NFE2L2: variants seen among roughly 807,000 people sequenced by gnomAD.
NFE2L2 encodes NFE2 like bZIP transcription factor 2, also known as nuclear factor erythroid 2-related factor 2.
In NFE2L2, 20 loss-of-function variants were observed where a neutral mutation model predicts 49.6. The observed-to-expected ratio is 0.40, with a 90% confidence interval of 0.28 to 0.59. The LOEUF (loss-of-function observed/expected upper bound fraction) is 0.59. Among genes scored for constraint, NFE2L2 ranks in the 20% least tolerant of loss-of-function variants. The pLI is 0.40. For missense variants in NFE2L2, 578 were observed against 714.2 expected, an observed-to-expected ratio of 0.81 and a Z score of 2.17; for synonymous variants, 244 against 256.5, an observed-to-expected ratio of 0.95 and a Z score of 0.47.
chr2:177,245,278 A>G (rs1036725740), intron 1 of NFE2L2, among the ~76,000 whole-genome samples: 1 of 152,186 alleles, frequency 6.6e-6, no homozygotes. Flanking sequence ...GGAATCACCC[A>G]GACAGCCCCT....
At chr2:177,264,461 G>C (rs1042349200) in intron 1 of NFE2L2, 71 bp downstream of exon 1, 1 of 1,469,348 alleles carries the variant, frequency 6.8e-7, no homozygotes, top group Non-Finnish European at 9.1e-7. Flanking sequence ...TGTCCCTCCC[G>C]GGCCGCGGTT....
Position 177,231,010 on chromosome 2 carries a change from A to G in NFE2L2, c.1593T>C (p.His531=), listed in dbSNP as rs981475836. Residue 531 remains histidine (H), a synonymous_variant, in exon 5 of 5, where the codon CAT becomes CAC. Transcript: ENST00000397062. ...NIVELEQDLD[H]LKDEKEKLLK... ...GCAATTTTTCTTTTTCATCTTTCAAATGATCTAAATCTTGCTCTAGTTCTA... is the reference window on the plus strand; with the variant it reads ...GCAATTTTTCTTTTTCATCTTTCAAGTGATCTAAATCTTGCTCTAGTTCTA... 2 of 1,609,978 alleles carry G rather than the reference A, an allele frequency of 1.2e-6. No homozygotes were observed. Among genetic ancestry groups the G allele is most frequent in the South Asian group, 1.1e-5 (1 of 89,608 alleles).
In NFE2L2 at chr2:177,261,236, C is replaced by G. The variant is rs1690727331; in HGVS notation, c.45+3296G>C. 3.9e-5 allele frequency among the ~76,000 whole-genome samples: 6 copies of G among 151,956 alleles called. No individual in the cohort carries two copies. In the South Asian group the frequency reaches 1.2e-3, roughly 32 times the overall value. On this transcript the variant is annotated intron_variant, in intron 1 of 4. Transcript: ENST00000397062. ...TTCTAAATTGAATCCACCGAGGCCT[C>G]TGTGTCTTCCTTAAAAGGACCACAG...
intron 1 of NFE2L2, among the ~76,000 whole-genome samples, chr2:177,242,354 AC>A (rs1689966135): frequency 6.6e-6 from 1 of 152,242 alleles, no homozygotes; most frequent in Non-Finnish European, 1.5e-5. Flanking sequence ...AGCAACAGTT[AC>A]CACGAATCCA....
chr2:177,247,682 C>T (rs1307562409), intron 1 of NFE2L2, among the ~76,000 whole-genome samples: 24 of 141,488 alleles, frequency 1.7e-4, no homozygotes, highest in South Asian at 6.6e-4. Context: ...TGCCCCACCC[C>T]GCAAAAAAAA....
In NFE2L2 at chr2:177,231,394, C is replaced by T; in HGVS notation, c.1209G>A (p.Met403Ile). The T allele has an allele frequency of 6.2e-7, 1 of 1,614,248 alleles. No homozygotes were observed. The highest frequency in any genetic ancestry group is 8.5e-7 in the Non-Finnish European group (1 of 1,180,046). ...CCTGAGATGGTGACAAGGGTTGTAC[C>T]ATATCCCCAGAAGAATGTACTGGTG... ...PKTPVHSSGD[M>I]VQPLSPSQGQ... The change falls in exon 5 of 5, where the codon ATG (methionine) becomes ATA (isoleucine). Residue 403 changes from methionine (M) to isoleucine (I), a missense_variant. Around this residue, in one of 3 missense-constraint regions of NFE2L2, gnomAD observed 368 missense variants for 384.6 expected, o/e 0.96. Transcript: ENST00000397062.
chr2:177,244,568 G>T (rs919420584), intron 1 of NFE2L2, among the ~76,000 whole-genome samples: 5 of 152,162 alleles, frequency 3.3e-5, no homozygotes, highest in African/African-American at 1.2e-4. Context: ...CACAGAAGAG[G>T]TAACGACTGC....
At position 177,233,061 on chromosome 2, in the gene NFE2L2, T is replaced by C. The variant is rs986099064; in HGVS notation, c.402+189A>G. On this transcript the variant is annotated intron_variant, in intron 3 of 4. Coordinates refer to ENST00000397062, the MANE Select transcript of NFE2L2 (RefSeq NM_006164.5). ...GTATTGTGTGAAGGGTTTTTTTTTT[T>C]CTTAATTGTAAAGTTATTTATAGGC... The C allele has an allele frequency of 1.6e-5, 9 of 563,336 alleles. No homozygotes were observed. In the East Asian group the frequency reaches 2.3e-4, roughly 14 times the overall value. 34.9% of individuals were successfully genotyped at this position (563,336 alleles called of 1,614,324 possible). A position where few individuals can be genotyped will look rare whatever the true frequency, so the allele number is the denominator to read the frequency against.
intron 1 of NFE2L2, among the ~76,000 whole-genome samples, chr2:177,256,499 CAAAA>C (rs35073132): frequency 1.3e-5 from 1 of 75,078 alleles, no homozygotes. Context: ...TACATTCTTG[CAAAA>C]AAAAAAAAAA....
chr2:177,244,190 A>G (rs529944205), intron 1 of NFE2L2, among the ~76,000 whole-genome samples: 3 of 151,662 alleles, frequency 2.0e-5, no homozygotes, highest in Non-Finnish European at 2.9e-5. Flanking sequence ...AGTCCCAGCT[A>G]CTCGGGAGGC....
intron 1 of NFE2L2, among the ~76,000 whole-genome samples, chr2:177,250,981 T>C (rs1690317876): frequency 1.3e-5 from 2 of 152,356 alleles, no homozygotes; most frequent in South Asian, 4.1e-4. Flanking sequence ...GTATTAGTAC[T>C]ATTAATAAAT....
At chr2:177,235,063 G>A (rs1184404524) in intron 1 of NFE2L2, among the ~76,000 whole-genome samples, 2 of 151,762 alleles carry the variant, frequency 1.3e-5, no homozygotes, top group African/African-American at 2.4e-5. Flanking sequence ...GTTGCAGTCA[G>A]CTGAGATCGC....
intron 1 of NFE2L2, among the ~76,000 whole-genome samples, chr2:177,241,615 T>A (rs1009265300): frequency 2.0e-5 from 3 of 152,206 alleles, no homozygotes; most frequent in African/African-American, 4.8e-5. Context: ...CCCAGCTCTT[T>A]GGGAGGCTGA....
intron 1 of NFE2L2, among the ~76,000 whole-genome samples, chr2:177,261,096 G>A (rs1199246311): frequency 1.3e-5 from 2 of 149,376 alleles, no homozygotes; most frequent in African/African-American, 2.5e-5. Context: ...ACTTGAACCC[G>A]GGAAGTAGAG....
At chr2:177,244,929 G>C (rs1690071348) in intron 1 of NFE2L2, among the ~76,000 whole-genome samples, 1 of 150,954 alleles carries the variant, frequency 6.6e-6, no homozygotes, top group Non-Finnish European at 1.5e-5. Context: ...CGTGAACCTG[G>C]GAGGTGGAGA....
At chr2:177,257,803 C>CT (rs1690582403) in intron 1 of NFE2L2, among the ~76,000 whole-genome samples, 3 of 152,234 alleles carry the variant, frequency 2.0e-5, no homozygotes, top group African/African-American at 2.4e-5. Flanking sequence ...CTGTTGTAAA[C>CT]TGAGTATGCA....
chr2:177,249,095 C>T lies in NFE2L2; in HGVS notation c.46-14824G>A, dbSNP rs185778554. ...AATAGCCAGGCGTGGTGGCGCGTAC[C>T]TGTGGCCCCGGCTACTCAGAAGGTT... On this transcript the variant is annotated intron_variant, in intron 1 of 4. Coordinates refer to ENST00000397062, the MANE Select transcript of NFE2L2 (RefSeq NM_006164.5). Among the ~76,000 whole-genome samples the T allele has an allele frequency of 3.3e-3, 509 of 152,080 alleles. 1 individual carries two copies. The highest frequency in any genetic ancestry group is 5.8e-3 in the Non-Finnish European group (397 of 67,992).
At position 177,233,744 on chromosome 2, in the gene NFE2L2, A is replaced by G. The variant is rs375296392; in HGVS notation, c.312+261T>C. 11 of 564,788 alleles carry G rather than the reference A, an allele frequency of 1.9e-5. No individual in the cohort carries two copies. The Admixed American group carries it at 2.7e-4, about 14-fold the overall frequency. The allele number at this position is 564,788 out of a possible 1,614,324, so 35.0% of individuals were successfully genotyped here. A position where few individuals can be genotyped will look rare whatever the true frequency, so the allele number is the denominator to read the frequency against. Reference sequence around the variant, plus strand: ...TCTGTTGCTGCTACTTGATCCTTACAGGATGTTTCTATACTTTACAAAACT... The same window carrying G: ...TCTGTTGCTGCTACTTGATCCTTACGGGATGTTTCTATACTTTACAAAACT... On this transcript the variant is annotated intron_variant, in intron 2 of 4. Coordinates refer to ENST00000397062, the MANE Select transcript of NFE2L2 (RefSeq NM_006164.5).
chr2:177,239,071 T>C (rs1240930620), intron 1 of NFE2L2, among the ~76,000 whole-genome samples: 1 of 152,186 alleles, frequency 6.6e-6, no homozygotes, highest in Non-Finnish European at 1.5e-5. Context: ...CAATTCAATG[T>C]TTTTTATTTG....
Sources: allele counts gnomAD v4.1 joint callset (sites outside exome capture counted in the v4.1 genomes callset), GRCh38; gene constraint gnomAD v4.1.1; regional missense constraint gnomAD v4.1.1; transcripts MANE v1.5; gene names NCBI Gene and HGNC (gene_info 2026-07-23, HGNC 2026-07-21).